The following HPSE2 variants were observed in gnomAD, a reference collection of about 807,000 sequenced individuals.
The protein encoded by HPSE2 is heparanase 2 (inactive), also known as inactive heparanase-2.
Under a neutral mutation model 60.5 loss-of-function variants are expected in HPSE2, and 38 were observed. The ratio of observed to expected loss-of-function variants is 0.63; its 90% CI spans 0.48 to 0.82. The LOEUF is 0.82. Among genes scored for constraint, HPSE2 ranks in the 40% least tolerant of loss-of-function variants. The probability of loss-of-function intolerance (pLI) is 0.00; values close to 1 mark genes in which losing one functional copy is unlikely to be tolerated. For synonymous variants in HPSE2, 295 were observed against 293.2 expected, an observed-to-expected ratio of 1.01 and a Z score of -0.06; for missense variants, 713 against 740.4, an observed-to-expected ratio of 0.96 and a Z score of 0.43.
At chr10:98,962,652 C>T (rs1048702319) in intron 3 of HPSE2, among the ~76,000 whole-genome samples, 18 of 150,268 alleles carry the variant, frequency 1.2e-4, no homozygotes, top group East Asian at 3.9e-4. Flanking sequence ...TCCCTGTTTG[C>T]AGACGACATG....
At chr10:98,969,130 T>A (rs2135260837) in intron 3 of HPSE2, among the ~76,000 whole-genome samples, 1 of 152,312 alleles carries the variant, frequency 6.6e-6, no homozygotes, top group East Asian at 1.9e-4. Context: ...TTATCTGTAA[T>A]TTTACAAAAT....
At chr10:98,909,334 GTTTT>G (rs781551587) in intron 3 of HPSE2, among the ~76,000 whole-genome samples, 1 of 141,898 alleles carries the variant, frequency 7.0e-6, no homozygotes. Flanking sequence ...ATTCAAAAAA[GTTTT>G]TTTTTTTTTT....
intron 2 of HPSE2, among the ~76,000 whole-genome samples, chr10:99,203,790 G>A (rs1848653242): frequency 6.6e-6 from 1 of 151,264 alleles, no homozygotes. Context: ...TCCAAGGCCA[G>A]CACCCATAGC....
chr10:99,232,230 C>T lies in HPSE2; in HGVS notation c.448+118G>A, dbSNP rs796378207. The stretch of plus-strand genomic sequence containing the variant: ...GCGCGCGCATACACACACACACACA[C>T]ACACACACACACACACACACACACA... On this transcript the variant is annotated intron_variant, in intron 2 of 11. Transcript: ENST00000370552. 0.012 allele frequency: 14,336 copies of T among 1,203,146 alleles called. 306 individuals are homozygous for T. The East Asian group carries it at 0.14, about 11-fold the overall frequency. The allele number at this position is 1,203,146 out of a possible 1,614,324, so 74.5% of individuals were successfully genotyped here.
At chr10:99,119,094 AGAGAGG>A in intron 3 of HPSE2, among the ~76,000 whole-genome samples, 3 of 96,462 alleles carry the variant, frequency 3.1e-5, no homozygotes, top group African/African-American at 1.0e-4. Context: ...AGAAAGAGAG[AGAGAGG>A]GAGGGAGGGA....
chr10:98,744,154 C>T (rs1949569211), intron 3 of HPSE2, 98 bp from the exon 4 acceptor site: 1 of 1,078,618 alleles, frequency 9.3e-7, no homozygotes, highest in Non-Finnish European at 1.4e-6. Flanking sequence ...GAGCTTCCCA[C>T]TAATAAGGAA....
At chr10:99,278,078 G>C in the HPSE2 span, among the ~76,000 whole-genome samples, 1 of 117,952 alleles carries the variant, frequency 8.5e-6, no homozygotes, top group African/African-American at 3.5e-5. Flanking sequence ...GTCTGGGAGC[G>C]AGACTCCCTC....
At chr10:99,115,760 A>G (rs1273299140) in intron 3 of HPSE2, among the ~76,000 whole-genome samples, 1 of 152,224 alleles carries the variant, frequency 6.6e-6, no homozygotes, top group Non-Finnish European at 1.5e-5. Context: ...CTGGTAAAAA[A>G]AAGTATTCAC....
intron 3 of HPSE2, among the ~76,000 whole-genome samples, chr10:99,059,904 T>A (rs1958196677): frequency 6.6e-6 from 1 of 152,040 alleles, no homozygotes; most frequent in Admixed American, 6.6e-5. Context: ...ATATAATAAC[T>A]GCAAATACTT....
chr10:99,181,316 T>C (rs943167818), intron 2 of HPSE2, among the ~76,000 whole-genome samples: 1 of 139,810 alleles, frequency 7.2e-6, no homozygotes, highest in African/African-American at 2.8e-5. Context: ...GAGAATGGCG[T>C]GAACCCGGGA....
At chr10:98,953,288 T>C (rs1955419911) in intron 3 of HPSE2, among the ~76,000 whole-genome samples, 1 of 152,152 alleles carries the variant, frequency 6.6e-6, no homozygotes, top group Admixed American at 6.5e-5. Flanking sequence ...GGGATAGGAT[T>C]CTTCCCACAT....
chr10:98,654,727 C>T (rs1947012004), intron 6 of HPSE2, among the ~76,000 whole-genome samples: 1 of 152,072 alleles, frequency 6.6e-6, no homozygotes, highest in East Asian at 1.9e-4. Context: ...GGTTCTGATA[C>T]TTTGTTCAGA....
At chr10:98,944,550 C>T (rs2135168587) in intron 3 of HPSE2, among the ~76,000 whole-genome samples, 1 of 152,232 alleles carries the variant, frequency 6.6e-6, no homozygotes, top group South Asian at 2.1e-4. Context: ...TGGAAAGCAA[C>T]CCATTTTATG....
In HPSE2 at chr10:98,595,193, G is replaced by A. The variant is rs572603966; in HGVS notation, c.1320+19711C>T. Among the ~76,000 whole-genome samples the A allele has an allele frequency of 4.5e-3, 583 of 130,708 alleles. 7 individuals carry two copies. Among genetic ancestry groups the A allele is most frequent in the African/African-American group, 0.017 (557 of 32,292 alleles). 85.7% of individuals were successfully genotyped at this position (130,708 alleles called of 152,430 possible). A position where few individuals can be genotyped will look rare whatever the true frequency, so the allele number is the denominator to read the frequency against. Reference sequence around the variant, plus strand: ...TTTTTTTTTTTTTTTTTTTTGAGACGGAGTCTCGCTCTGTCACCCAGGCTG... The same window carrying A: ...TTTTTTTTTTTTTTTTTTTTGAGACAGAGTCTCGCTCTGTCACCCAGGCTG... On this transcript the variant is annotated intron_variant, in intron 9 of 11. Coordinates refer to ENST00000370552, the MANE Select transcript of HPSE2 (RefSeq NM_021828.5).
chr10:99,282,715 T>A, the HPSE2 span, among the ~76,000 whole-genome samples: 2 of 151,964 alleles, frequency 1.3e-5, no homozygotes, highest in Admixed American at 1.3e-4. Context: ...ACTGGAAAAT[T>A]CACAAATATC....
intron 4 of HPSE2, among the ~76,000 whole-genome samples, chr10:98,732,562 G>T (rs1314301304): frequency 1.3e-5 from 2 of 151,992 alleles, no homozygotes; most frequent in Non-Finnish European, 2.9e-5. Context: ...AAATGGTACT[G>T]GGAATCTCTA....
At chr10:98,650,974 G>T (rs931962575) in intron 6 of HPSE2, among the ~76,000 whole-genome samples, 2 of 152,132 alleles carry the variant, frequency 1.3e-5, no homozygotes, top group African/African-American at 4.8e-5. Context: ...TGTTTCTTAT[G>T]TCCAGACAAC....
intron 9 of HPSE2, among the ~76,000 whole-genome samples, chr10:98,495,630 C>G (rs1257007451): frequency 6.6e-6 from 1 of 151,984 alleles, no homozygotes. Context: ...TTTGCTGATT[C>G]TCTCTTCTGA....
At chr10:99,191,343 C>G (rs961259749) in intron 2 of HPSE2, among the ~76,000 whole-genome samples, 2 of 151,514 alleles carry the variant, frequency 1.3e-5, no homozygotes, top group African/African-American at 4.8e-5. Context: ...TGACTCAGTG[C>G]AGTCCCAGGG....
Sources: allele counts gnomAD v4.1 joint callset (sites outside exome capture counted in the v4.1 genomes callset), GRCh38; gene constraint gnomAD v4.1.1; transcripts MANE v1.5; gene names NCBI Gene and HGNC (gene_info 2026-07-23, HGNC 2026-07-21).